BMAL1: variants seen among roughly 807,000 people sequenced by gnomAD.
The protein encoded by BMAL1 is basic helix-loop-helix ARNT like 1.
At chr11:13,324,090 C>T in the BMAL1 span, among the ~76,000 whole-genome samples, 1 of 151,996 alleles carries the variant, frequency 6.6e-6, no homozygotes, top group African/African-American at 2.4e-5. Context: ...CACCACTGCT[C>T]CTTATTATTA....
the BMAL1 span, among the ~76,000 whole-genome samples, chr11:13,284,263 T>TAC: frequency 3.8e-4 from 6 of 15,888 alleles, no homozygotes; most frequent in South Asian, 1.6e-3. Context: ...TATATATATA[T>TAC]ATATTTTTTT....
the BMAL1 span, chr11:13,309,970 A>T: frequency 6.6e-6 from 1 of 152,626 alleles, no homozygotes; most frequent in African/African-American, 2.4e-5. Flanking sequence ...CTAAACTTTT[A>T]TTTCATTGGC....
chr11:13,297,193 C>G, the BMAL1 span, among the ~76,000 whole-genome samples: 1 of 152,202 alleles, frequency 6.6e-6, no homozygotes, highest in Non-Finnish European at 1.5e-5. Context: ...TGAGCTACAC[C>G]TGGCTGGAGC....
At chr11:13,375,621 C>G in the BMAL1 span, 6 of 1,571,940 alleles carry the variant, frequency 3.8e-6, no homozygotes, top group Non-Finnish European at 5.2e-6. Flanking sequence ...GTTTTACAGA[C>G]GAGAGAAAAA....
the BMAL1 span, among the ~76,000 whole-genome samples, chr11:13,296,563 T>A: frequency 6.6e-6 from 1 of 152,258 alleles, no homozygotes; most frequent in Non-Finnish European, 1.5e-5. Flanking sequence ...TACCCTCCTT[T>A]AAAAATGTAT....
At chr11:13,310,076 C>A in the BMAL1 span, 2 of 152,586 alleles carry the variant, frequency 1.3e-5, no homozygotes, top group African/African-American at 4.8e-5. Context: ...TTGTTTGATG[C>A]CTTCTTACCA....
chr11:13,352,436 G>A, the BMAL1 span, among the ~76,000 whole-genome samples: 2,538 of 152,264 alleles, frequency 0.017, 32 homozygotes, highest in South Asian at 0.027. Context: ...AGAAACGCCT[G>A]TAAAGAGAAA....
At chr11:13,284,166 ATATATATATATGTG>A in the BMAL1 span, among the ~76,000 whole-genome samples, 40,943 of 93,466 alleles carry the variant, frequency 0.44, 13,893 homozygotes, top group Non-Finnish European at 0.55. Context: ...ATATGTGTGT[ATATATATATATGTG>A]TATATATATA....
the BMAL1 span, among the ~76,000 whole-genome samples, chr11:13,330,803 A>G: frequency 3.9e-5 from 6 of 152,218 alleles, no homozygotes; most frequent in East Asian, 1.9e-4. Context: ...ACACATTGCA[A>G]TGGCAGTTCT....
chr11:13,306,241 G>A, the BMAL1 span, among the ~76,000 whole-genome samples: 1 of 152,092 alleles, frequency 6.6e-6, no homozygotes, highest in African/African-American at 2.4e-5. Flanking sequence ...AGCCCTGACA[G>A]CAGTGGGAGG....
chr11:13,363,737 C>T, the BMAL1 span, among the ~76,000 whole-genome samples: 6 of 152,322 alleles, frequency 3.9e-5, no homozygotes, highest in African/African-American at 1.4e-4. Flanking sequence ...CAGACCGTAC[C>T]AAGGCCTCTG....
At chr11:13,310,680 CT>C in the BMAL1 span, among the ~76,000 whole-genome samples, 1 of 152,202 alleles carries the variant, frequency 6.6e-6, no homozygotes, top group Non-Finnish European at 1.5e-5. Context: ...TCCAGTAAAA[CT>C]TTATTTACAG....
chr11:13,321,642 C>A, the BMAL1 span, among the ~76,000 whole-genome samples: 1 of 152,158 alleles, frequency 6.6e-6, no homozygotes, highest in Non-Finnish European at 1.5e-5. Context: ...CCACATGGGG[C>A]AATGACAGCT....
chr11:13,369,410 C>T, the BMAL1 span, among the ~76,000 whole-genome samples: 2 of 152,196 alleles, frequency 1.3e-5, no homozygotes, highest in Non-Finnish European at 2.9e-5. Flanking sequence ...TATTTAGTAG[C>T]ACACTCTGTG....
At chr11:13,375,632 A>C in the BMAL1 span, 4 of 1,576,720 alleles carry the variant, frequency 2.5e-6, no homozygotes, top group African/African-American at 1.4e-5. Context: ...GAGAGAAAAA[A>C]TTACAACTAA....
the BMAL1 span, among the ~76,000 whole-genome samples, chr11:13,367,637 G>C: frequency 6.7e-6 from 1 of 148,794 alleles, no homozygotes; most frequent in Non-Finnish European, 1.5e-5. Context: ...GGAGGTGGGG[G>C]TTGCAGTAAG....
At chr11:13,284,170 ATATATATGTGTATATATATATATGTGTG>A in the BMAL1 span, among the ~76,000 whole-genome samples, 1 of 42,758 alleles carries the variant, frequency 2.3e-5, no homozygotes, top group Admixed American at 2.5e-4. Flanking sequence ...GTGTGTATAT[ATATATATGTGTATATATATATATGTGTG>A]TATATATATA....
chr11:13,360,389 C>T, the BMAL1 span: 1 of 1,614,024 alleles, frequency 6.2e-7, no homozygotes, highest in Non-Finnish European at 8.5e-7. Context: ...ACCAACTTTT[C>T]TATCAGACGA....
the BMAL1 span, among the ~76,000 whole-genome samples, chr11:13,332,155 G>T: frequency 6.6e-6 from 1 of 152,178 alleles, no homozygotes; most frequent in Non-Finnish European, 1.5e-5. Flanking sequence ...AGGAATCAGG[G>T]CTGTGGGCAG....
Sources: gnomAD v4.1 joint callset for allele counts (sites outside exome capture counted in the v4.1 genomes callset) on GRCh38, gnomAD v4.1.1 for gene constraint, MANE v1.5 for transcripts, NCBI Gene and HGNC (gene_info 2026-07-23, HGNC 2026-07-21) for gene names.